The following NUP160 variants were observed in gnomAD, a reference collection of about 807,000 sequenced individuals.
The protein encoded by NUP160 is nucleoporin 160.
In NUP160, 94 loss-of-function variants were observed where a neutral mutation model predicts 196.9. The ratio of observed to expected loss-of-function variants is 0.48; its 90% CI spans 0.40 to 0.57. The LOEUF (loss-of-function observed/expected upper bound fraction) is 0.57, where lower values mean the gene tolerates loss of function less well. NUP160 is among the 20% of genes least tolerant of loss of function. The probability of loss-of-function intolerance (pLI) is 0.00; values close to 1 mark genes in which losing one functional copy is unlikely to be tolerated. For synonymous variants in NUP160, 605 were observed against 619.7 expected (o/e 0.98, Z 0.35); for missense variants, 1,638 against 1,748.3 (o/e 0.94, Z 1.13).
At chr11:47,782,417 AGTTGAAAATATCATAG>A (rs1293528258) in intron 34 of NUP160, among the ~76,000 whole-genome samples, 1 of 145,202 alleles carries the variant, frequency 6.9e-6, no homozygotes, top group Non-Finnish European at 1.5e-5. Flanking sequence ...ACCCACTATC[AGTTGAAAATATCATAG>A]GTTGAAAATA....
intron 11 of NUP160, among the ~76,000 whole-genome samples, chr11:47,816,365 C>T (rs1287923107): frequency 6.6e-6 from 1 of 152,166 alleles, no homozygotes; most frequent in African/African-American, 2.4e-5. Context: ...TCACAAAAGC[C>T]TCAGAAGGCA....
chr11:47,790,948 C>A (rs2097667555), intron 29 of NUP160, among the ~76,000 whole-genome samples: 1 of 152,102 alleles, frequency 6.6e-6, no homozygotes, highest in Admixed American at 6.5e-5. Flanking sequence ...AGCTTTAGAT[C>A]TTTTACCTTC....
rs2097664571 is a variant in NUP160 at position 47,786,456 on chromosome 11, G to T, written c.3845C>A (p.Ser1282Tyr). The T allele has an allele frequency of 3.1e-6, 5 of 1,607,836 alleles. No homozygotes were observed. Among genetic ancestry groups the T allele is most frequent in the Non-Finnish European group, 4.3e-6 (5 of 1,174,554 alleles). The change falls in exon 32 of 36, where the codon TCT becomes TAT. Residue 1282 changes from serine (S) to tyrosine (Y), a missense_variant. By Grantham distance (144) the Ser-to-Tyr change is moderately radical (BLOSUM62 -2). Around this residue, in one of 3 missense-constraint regions of NUP160, gnomAD observed 1,345 missense variants for 1,470.2 expected, o/e 0.91. Coordinates refer to ENST00000378460, the Ensembl canonical transcript of NUP160. ...GGGTTGAACACCAGGGTTGTACCTA[G>T]ACTCCTTAGTAGTGATGACAGATGA...
In NUP160 at chr11:47,794,400, G is replaced by A. The variant is rs569026254; in HGVS notation, c.3290-1454C>T. Among the ~76,000 whole-genome samples the A allele has an allele frequency of 4.6e-5, 7 of 152,274 alleles. No individual in the cohort carries two copies. In the East Asian group the frequency reaches 5.8e-4, roughly 13 times the overall value. The stretch of plus-strand genomic sequence containing the variant: ...TGAGGCAGGAGAATGGCGTGAACCC[G>A]GGAGGTGGAGTTTGCAGTGAGCCGA... On this transcript the variant is annotated intron_variant, in intron 27 of 35. Transcript: ENST00000378460.
upstream of NUP160, chr11:47,848,515 G>T: frequency 1.0e-6 from 1 of 986,348 alleles, no homozygotes; most frequent in Non-Finnish European, 1.5e-6. Context: ...GAAGGGGGCA[G>T]GGGAGGCAGA....
chr11:47,782,313 T>TAC (rs2097661808), intron 34 of NUP160, among the ~76,000 whole-genome samples: 2 of 7,804 alleles, frequency 2.6e-4, no homozygotes, highest in African/African-American at 6.6e-4. Context: ...AATATATATA[T>TAC]ATATATATAT....
chr11:47,818,027 TAA>T, intron 11 of NUP160, 27 bp downstream of exon 11: 1 of 1,443,114 alleles, frequency 6.9e-7, no homozygotes, highest in Non-Finnish European at 9.7e-7. Flanking sequence ...GAAATAGTCT[TAA>T]ACAAACAGTA....
chr11:47,780,931 C>T (rs746707466), intron 34 of NUP160, among the ~76,000 whole-genome samples: 3 of 151,896 alleles, frequency 2.0e-5, no homozygotes, highest in South Asian at 2.1e-4. Flanking sequence ...TCATTTTTTT[C>T]GGTTAAATAT....
chr11:47,834,340 T>C (rs1370686478), intron 7 of NUP160, among the ~76,000 whole-genome samples: 1 of 152,182 alleles, frequency 6.6e-6, no homozygotes, highest in Non-Finnish European at 1.5e-5. Context: ...GCAGGGTCAA[T>C]TCTCCTACCA....
intron 28 of NUP160, chr11:47,792,427 G>A (rs1376437861): frequency 8.5e-6 from 2 of 236,090 alleles, no homozygotes; most frequent in East Asian, 1.1e-4. Flanking sequence ...CACTGTTACT[G>A]TTCTAAGCAA....
chr11:47,845,979 T>C (rs1425944654), intron 2 of NUP160, among the ~76,000 whole-genome samples: 5 of 151,800 alleles, frequency 3.3e-5, no homozygotes, highest in Non-Finnish European at 7.4e-5. Context: ...CAAAAACAAA[T>C]AGAAAAATTA....
At chr11:47,836,717 AG>A (rs1463965577) in intron 6 of NUP160, among the ~76,000 whole-genome samples, 169 bp downstream of exon 6, 1 of 152,234 alleles carries the variant, frequency 6.6e-6, no homozygotes, top group Non-Finnish European at 1.5e-5. Flanking sequence ...GTAAGTTAGG[AG>A]GAAAATATAT....
chr11:47,836,427 G>C (rs1852177103), intron 6 of NUP160, among the ~76,000 whole-genome samples: 1 of 151,928 alleles, frequency 6.6e-6, no homozygotes, highest in Non-Finnish European at 1.5e-5. Context: ...TCCAGTCTGG[G>C]TAACATGGCA....
chr11:47,794,051 A>G (rs976511457), intron 27 of NUP160, among the ~76,000 whole-genome samples: 1 of 152,208 alleles, frequency 6.6e-6, no homozygotes, highest in African/African-American at 2.4e-5. Flanking sequence ...GATGGGTGGT[A>G]AAATGGTGGT....
intron 9 of NUP160, among the ~76,000 whole-genome samples, chr11:47,821,138 AGG>A (rs1225502351): frequency 6.6e-6 from 1 of 151,930 alleles, no homozygotes; most frequent in East Asian, 1.9e-4. Flanking sequence ...CCCAGATTAG[AGG>A]TATTTTGGAT....
Position 47,813,269 on chromosome 11 carries a change from G to A in NUP160, c.1786+47C>T, listed in dbSNP as rs769510919. On this transcript the variant is annotated intron_variant, in intron 14 of 35. Coordinates refer to ENST00000378460, the Ensembl canonical transcript of NUP160. ...GTATCCATGTGAAACGAAGCATAGG[G>A]TTTATATAGGAAGGGGATTAAATAT... The A allele has an allele frequency of 3.0e-6, 4 of 1,354,648 alleles. No homozygotes were observed. The South Asian group carries it at 4.7e-5, about 16-fold the overall frequency. 83.9% of individuals were successfully genotyped at this position (1,354,648 alleles called of 1,614,324 possible). A position where few individuals can be genotyped will look rare whatever the true frequency, so the allele number is the denominator to read the frequency against.
At chr11:47,805,692 C>T (rs893129057) in intron 20 of NUP160, among the ~76,000 whole-genome samples, 1 of 152,056 alleles carries the variant, frequency 6.6e-6, no homozygotes, top group Non-Finnish European at 1.5e-5. Context: ...GTGATCTGCC[C>T]GCTTCTGCCT....
intron 29 of NUP160, among the ~76,000 whole-genome samples, chr11:47,789,105 G>GACCTCAGGTGATCCAGCC (rs2097666457): frequency 1.3e-5 from 2 of 152,052 alleles, no homozygotes; most frequent in African/African-American, 4.8e-5. Context: ...TTAAACTCCT[G>GACCTCAGGTGATCCAGCC]ACCTCAGGTG....
chr11:47,813,311 A>G lies in NUP160; in HGVS notation c.1786+5T>C, dbSNP rs371494153. On this transcript the variant is annotated splice_donor_5th_base_variant and intron_variant, in intron 14 of 35. Coordinates refer to ENST00000378460, the Ensembl canonical transcript of NUP160. ...ATTAAATATGGACATAACAATTACT[A>G]TTACCATCAGATATGGTTGTCTCAT... 1.2e-5 allele frequency: 19 copies of G among 1,556,384 alleles called. No individual in the cohort carries two copies. Among genetic ancestry groups the G allele is most frequent in the Non-Finnish European group, 1.7e-5 (19 of 1,127,738 alleles).
Sources: allele counts gnomAD v4.1 joint callset (sites outside exome capture counted in the v4.1 genomes callset), GRCh38; gene constraint gnomAD v4.1.1; regional missense constraint gnomAD v4.1.1; transcripts MANE v1.5; gene names NCBI Gene and HGNC (gene_info 2026-07-23, HGNC 2026-07-21).